KSR1: variants seen among roughly 807,000 people sequenced by gnomAD.
The protein encoded by KSR1 is kinase suppressor of ras.
A neutral mutation model predicts 92.9 loss-of-function variants in KSR1; 35 were observed. That is an observed-to-expected ratio of 0.38 (90% CI 0.29 to 0.50). The LOEUF (loss-of-function observed/expected upper bound fraction) is 0.50. Ranked by LOEUF, KSR1 falls within the 20% of genes least tolerant of loss-of-function variation. The probability of loss-of-function intolerance (pLI) is 0.94; values close to 1 mark genes in which losing one functional copy is unlikely to be tolerated. For missense variants in KSR1, 972 were observed against 1,158.5 expected (o/e 0.84, Z 2.34); for synonymous variants, 467 against 472.6 (o/e 0.99, Z 0.15).
chr17:27,582,665 C>T lies in KSR1; in HGVS notation c.540C>T (p.Asp180=), dbSNP rs1330906096. The T allele has an allele frequency of 1.2e-6, 2 of 1,611,162 alleles. No homozygotes were observed. The highest frequency in any genetic ancestry group is 2.2e-5 in the South Asian group (2 of 90,778). ...CCACAGGAGGGGAGCACAAGGAGGA[C>T]TCCAGTTGGAGTTCATTGGATGCGC... ...VTGLGGEHKE[D]SSWSSLDARR... is the part of the protein sequence containing the mutation. Residue 180 remains aspartate, a synonymous_variant, in exon 4 of 21, where the codon GAC becomes GAT. Coordinates refer to ENST00000644974, the MANE Select transcript of KSR1 (RefSeq NM_001394583.1).
At chr17:27,537,971 CACAA>C (rs1288875698) in intron 1 of KSR1, among the ~76,000 whole-genome samples, 2 of 152,112 alleles carry the variant, frequency 1.3e-5, no homozygotes, top group South Asian at 4.1e-4. Context: ...AAATAAAAAG[CACAA>C]ACAAACAGAC....
chr17:27,611,051 C>T (rs2073900594), intron 17 of KSR1, among the ~76,000 whole-genome samples: 1 of 152,202 alleles, frequency 6.6e-6, no homozygotes. Context: ...GTGGGGTGGC[C>T]TTGGCGCCAT....
chr17:27,607,516 T>C (rs989210355), intron 14 of KSR1, among the ~76,000 whole-genome samples: 1 of 152,202 alleles, frequency 6.6e-6, no homozygotes, highest in Non-Finnish European at 1.5e-5. Flanking sequence ...ATGAGATTCT[T>C]GACAGTGAGC....
intron 18 of KSR1, among the ~76,000 whole-genome samples, 157 bp downstream of exon 18, chr17:27,611,786 C>T (rs1056945131): frequency 1.3e-5 from 2 of 151,996 alleles, no homozygotes; most frequent in East Asian, 1.9e-4. Context: ...ATGCATTGCC[C>T]GGGAATGGGG....
rs181094070 is a variant in KSR1, at chr17:27,532,110, A to C, written c.232-18458A>C. On this transcript the variant is annotated intron_variant, in intron 1 of 20. Coordinates refer to ENST00000644974, the MANE Select transcript of KSR1 (RefSeq NM_001394583.1). Reference sequence around the variant, plus strand: ...GTTTTTCATCTATTTCTGTGAGATGACCTTAGGCCCTTCTTGTCTTAGAAC... The same window carrying C: ...GTTTTTCATCTATTTCTGTGAGATGCCCTTAGGCCCTTCTTGTCTTAGAAC... 4.6e-5 allele frequency among the ~76,000 whole-genome samples: 7 copies of C among 152,256 alleles called. No individual in the cohort carries two copies. In the East Asian group the frequency reaches 1.4e-3, roughly 29 times the overall value.
At chr17:27,510,294 A>G (rs1366648850) in intron 1 of KSR1, among the ~76,000 whole-genome samples, 1 of 152,220 alleles carries the variant, frequency 6.6e-6, no homozygotes, top group Admixed American at 6.5e-5. Context: ...GACCGTGGTT[A>G]TCCCAGTGAC....
At chr17:27,616,009 T>A (rs1439293781) in intron 18 of KSR1, among the ~76,000 whole-genome samples, 1 of 152,242 alleles carries the variant, frequency 6.6e-6, no homozygotes, top group East Asian at 1.9e-4. Context: ...CCTATCTTAC[T>A]CTTTCTGGAA....
At chr17:27,568,844 T>C (rs2072191506) in intron 2 of KSR1, among the ~76,000 whole-genome samples, 1 of 152,256 alleles carries the variant, frequency 6.6e-6, no homozygotes, top group South Asian at 2.1e-4. Flanking sequence ...TGTAGCCCCA[T>C]CCTCAGCCAG....
In KSR1 at chr17:27,498,891, A is replaced by G. The variant is rs115063037; in HGVS notation, c.231+42017A>G. Among the ~76,000 whole-genome samples, 645 of 152,336 alleles carry G rather than the reference A, an allele frequency of 4.2e-3. 6 individuals are homozygous for G. The highest frequency in any genetic ancestry group is 0.015 in the African/African-American group (617 of 41,574). ...CGAACATGTGGGAATGCTTTGAGGA[A>G]GAAGCAAAGGGCGGCATGAGGCACT... On this transcript the variant is annotated intron_variant, in intron 1 of 20. Coordinates refer to ENST00000644974, the MANE Select transcript of KSR1 (RefSeq NM_001394583.1).
At chr17:27,458,904 G>C (rs904876218) in intron 1 of KSR1, among the ~76,000 whole-genome samples, 2 of 152,170 alleles carry the variant, frequency 1.3e-5, no homozygotes, top group Non-Finnish European at 2.9e-5. Flanking sequence ...GATCTCTGAG[G>C]GCTCTGGAAG....
At chr17:27,532,234 C>T (rs1188809400) in intron 1 of KSR1, among the ~76,000 whole-genome samples, 3 of 152,186 alleles carry the variant, frequency 2.0e-5, no homozygotes, top group African/African-American at 7.2e-5. Flanking sequence ...TAGATGGGGC[C>T]AATTGCAAAG....
At chr17:27,571,952 T>C (rs1313825672) in intron 2 of KSR1, among the ~76,000 whole-genome samples, 1 of 152,204 alleles carries the variant, frequency 6.6e-6, no homozygotes, top group African/African-American at 2.4e-5. Context: ...CTGGATACCA[T>C]TTGATACCTA....
chr17:27,476,503 G>T (rs951605461), intron 1 of KSR1, among the ~76,000 whole-genome samples: 9 of 152,344 alleles, frequency 5.9e-5, no homozygotes, highest in Non-Finnish European at 1.0e-4. Flanking sequence ...CTGTTTGACT[G>T]TGGTGCCGTT....
intron 4 of KSR1, among the ~76,000 whole-genome samples, chr17:27,583,555 TG>T (rs2072856711): frequency 1.3e-5 from 2 of 152,358 alleles, no homozygotes; most frequent in South Asian, 4.1e-4. Context: ...TACTCCTTCT[TG>T]GAAGTTCCAC....
chr17:27,492,336 AACT>A (rs1245201936), intron 1 of KSR1, among the ~76,000 whole-genome samples: 1 of 152,154 alleles, frequency 6.6e-6, no homozygotes, highest in Non-Finnish European at 1.5e-5. Context: ...GAGTCTCCTC[AACT>A]CACCTTTGCA....
At chr17:27,514,698 T>C (rs1404605766) in intron 1 of KSR1, among the ~76,000 whole-genome samples, 5 of 151,210 alleles carry the variant, frequency 3.3e-5, no homozygotes. Flanking sequence ...AAAGTAACAC[T>C]GGAAGTAAGG....
At chr17:27,520,918 T>C (rs927541101) in intron 1 of KSR1, among the ~76,000 whole-genome samples, 1 of 152,262 alleles carries the variant, frequency 6.6e-6, no homozygotes, top group Non-Finnish European at 1.5e-5. Flanking sequence ...GGAATCTTCC[T>C]GAAATCATTG....
intron 5 of KSR1, chr17:27,588,250 G>T: frequency 2.8e-6 from 1 of 351,600 alleles, no homozygotes; most frequent in Non-Finnish European, 5.2e-6. Flanking sequence ...GCCATCCTCA[G>T]AGGCCAGGAG....
intron 1 of KSR1, among the ~76,000 whole-genome samples, chr17:27,527,576 G>A (rs1413000959): frequency 6.6e-6 from 1 of 152,072 alleles, no homozygotes; most frequent in Non-Finnish European, 1.5e-5. Flanking sequence ...TTGTATTTTA[G>A]TAGAGATGGG....
Sources: allele counts gnomAD v4.1 joint callset (sites outside exome capture counted in the v4.1 genomes callset), GRCh38; gene constraint gnomAD v4.1.1; transcripts MANE v1.5; gene names NCBI Gene and HGNC (gene_info 2026-07-23, HGNC 2026-07-21).